CCSER1: variants seen among roughly 807,000 people sequenced by gnomAD.
The protein encoded by CCSER1 is coiled-coil serine rich protein 1, also known as serine-rich coiled-coil domain-containing protein 1.
In CCSER1, 41 loss-of-function variants were observed where a neutral mutation model predicts 82.0. That is an observed-to-expected ratio of 0.50 (90% CI 0.39 to 0.65). The LOEUF (loss-of-function observed/expected upper bound fraction) is 0.65. CCSER1 is among the 30% of genes least tolerant of loss of function. The pLI, the probability that CCSER1 is intolerant of heterozygous loss-of-function variation, is 0.00. For missense variants in CCSER1, 1,119 were observed against 1,064.2 expected (o/e 1.05, Z -0.72); for synonymous variants, 414 against 383.9 (o/e 1.08, Z -0.92).
intron 1 of CCSER1, among the ~76,000 whole-genome samples, chr4:90,164,950 C>T (rs1024640286): frequency 2.0e-5 from 3 of 152,040 alleles, no homozygotes; most frequent in Non-Finnish European, 4.4e-5. Flanking sequence ...TAATGAGGAA[C>T]AAAGGAGTAT....
chr4:91,225,132 T>C lies in CCSER1; in HGVS notation c.2217+139138T>C, dbSNP rs1281250801. Among the ~76,000 whole-genome samples, 6 of 144,252 alleles carry C rather than the reference T, an allele frequency of 4.2e-5. No homozygotes were observed. In the Admixed American group the frequency reaches 4.3e-4, roughly 10 times the overall value. The allele number at this position is 144,252 out of a possible 152,430, so 94.6% of individuals were successfully genotyped here. A position where few individuals can be genotyped will look rare whatever the true frequency, so the allele number is the denominator to read the frequency against. The stretch of plus-strand genomic sequence containing the variant: ...GAAATAAAATGTTACTGTGATAGAG[T>C]TTTACCTGGAAACAAGAAATATGAT... On this transcript the variant is annotated intron_variant, in intron 10 of 10. Coordinates refer to ENST00000509176, the MANE Select transcript of CCSER1 (RefSeq NM_001145065.2).
chr4:91,478,362 A>T (rs1757706312), intron 10 of CCSER1, among the ~76,000 whole-genome samples: 1 of 151,902 alleles, frequency 6.6e-6, no homozygotes. Flanking sequence ...ATTATTACCC[A>T]ATTGTTCTTG....
intron 1 of CCSER1, among the ~76,000 whole-genome samples, chr4:90,154,891 C>A (rs1351506648): frequency 1.3e-5 from 2 of 151,916 alleles, no homozygotes; most frequent in Non-Finnish European, 2.9e-5. Flanking sequence ...TGCCTAATTG[C>A]CCTGGCCAGA....
chr4:90,753,487 A>G (rs928565172), intron 7 of CCSER1, among the ~76,000 whole-genome samples: 1 of 152,128 alleles, frequency 6.6e-6, no homozygotes, highest in African/African-American at 2.4e-5. Flanking sequence ...TTGATTTTTC[A>G]TACTCTTTCT....
intron 9 of CCSER1, among the ~76,000 whole-genome samples, chr4:90,984,497 G>A (rs560172036): frequency 1.3e-5 from 2 of 151,630 alleles, no homozygotes; most frequent in African/African-American, 4.8e-5. Flanking sequence ...TTACAAAGAA[G>A]ACAACTTCAC....
intron 6 of CCSER1, among the ~76,000 whole-genome samples, chr4:90,661,562 G>A (rs1301718980): frequency 6.6e-6 from 1 of 152,194 alleles, no homozygotes; most frequent in Non-Finnish European, 1.5e-5. Flanking sequence ...GCAGCGAAAT[G>A]TTTAACTATA....
chr4:90,536,596 T>C (rs1775399332), intron 5 of CCSER1, among the ~76,000 whole-genome samples: 1 of 152,314 alleles, frequency 6.6e-6, no homozygotes, highest in African/African-American at 2.4e-5. Context: ...TACCTTGACC[T>C]TGATTACTCT....
chr4:90,256,525 A>G (rs542705546), intron 1 of CCSER1, among the ~76,000 whole-genome samples: 1 of 152,256 alleles, frequency 6.6e-6, no homozygotes, highest in African/African-American at 2.4e-5. Context: ...GTCATATTCT[A>G]AAATGTTTAC....
At chr4:90,169,769 C>A (rs1156704918) in intron 1 of CCSER1, among the ~76,000 whole-genome samples, 1 of 151,686 alleles carries the variant, frequency 6.6e-6, no homozygotes, top group Non-Finnish European at 1.5e-5. Flanking sequence ...ATTAGTTAGC[C>A]TTTGTCTACA....
chr4:91,011,068 G>A (rs1738965622), intron 9 of CCSER1, among the ~76,000 whole-genome samples: 1 of 134,400 alleles, frequency 7.4e-6, no homozygotes, highest in African/African-American at 2.5e-5. Flanking sequence ...GGCTTTTGAA[G>A]GGAAAGACTT....
intron 9 of CCSER1, among the ~76,000 whole-genome samples, chr4:91,080,071 T>C (rs938388016): frequency 3.3e-5 from 5 of 152,148 alleles, no homozygotes; most frequent in African/African-American, 1.2e-4. Flanking sequence ...GCAGACCTCA[T>C]AGACATCTAC....
intron 4 of CCSER1, among the ~76,000 whole-genome samples, chr4:90,467,040 T>C (rs1763733904): frequency 6.6e-6 from 1 of 152,174 alleles, no homozygotes; most frequent in African/African-American, 2.4e-5. Flanking sequence ...CAGCTACTAC[T>C]AGACATAGAT....
In CCSER1 at chr4:90,571,836, G is replaced by A. The variant is rs1345907344; in HGVS notation, c.1725-56189G>A. Among the ~76,000 whole-genome samples the A allele has an allele frequency of 2.0e-5, 3 of 152,028 alleles. No individual in the cohort carries two copies. In the East Asian group the frequency reaches 5.8e-4, roughly 29 times the overall value. ...TGTTACCATTTGCATATTTTATATT[G>A]CACATCTCTTAAATTATTGTAACTA... On this transcript the variant is annotated intron_variant, in intron 5 of 10. Transcript: ENST00000509176.
chr4:91,167,840 A>T, intron 10 of CCSER1, among the ~76,000 whole-genome samples: 1 of 152,244 alleles, frequency 6.6e-6, no homozygotes, highest in Non-Finnish European at 1.5e-5. Context: ...CAAATAAATA[A>T]TACGCTTTTA....
At chr4:90,428,825 C>A (rs572044431) in intron 4 of CCSER1, among the ~76,000 whole-genome samples, 1 of 151,728 alleles carries the variant, frequency 6.6e-6, no homozygotes, top group Non-Finnish European at 1.5e-5. Flanking sequence ...TCTAAATTGG[C>A]AAGATTATCA....
chr4:90,656,337 AT>A (rs1729697949), intron 6 of CCSER1, among the ~76,000 whole-genome samples: 1 of 151,450 alleles, frequency 6.6e-6, no homozygotes, highest in Admixed American at 6.6e-5. Context: ...TATCTCTTTT[AT>A]TCTGTCAATT....
At chr4:91,483,433 T>G (rs1173009853) in intron 10 of CCSER1, among the ~76,000 whole-genome samples, 2 of 151,984 alleles carry the variant, frequency 1.3e-5, no homozygotes, top group Non-Finnish European at 2.9e-5. Context: ...GTTATTATAC[T>G]TTTTTACTTT....
At chr4:90,857,149 C>G (rs916738177) in intron 8 of CCSER1, among the ~76,000 whole-genome samples, 2 of 152,062 alleles carry the variant, frequency 1.3e-5, no homozygotes. Flanking sequence ...CTCCCAATTT[C>G]TGTGAATCAG....
chr4:90,933,016 GAA>G lies in CCSER1; in HGVS notation c.2172+9571_2172+9572del, dbSNP rs754665929. On this transcript the variant is annotated intron_variant, in intron 9 of 10. Transcript: ENST00000509176. ...AGAAAGAAAGAAAGAAAGAAAGAAAGAAAGAAAGAAAGAAAGAAAGAAAGAAA... is the reference window on the plus strand; with the variant it reads ...AGAAAGAAAGAAAGAAAGAAAGAAAGAGAAAGAAAGAAAGAAAGAAAGAAA... Among the ~76,000 whole-genome samples, 18 of 79,874 alleles carry G rather than the reference GAA, an allele frequency of 2.3e-4. 3 individuals are homozygous for G. Among genetic ancestry groups the G allele is most frequent in the African/African-American group, 1.1e-3 (12 of 11,098 alleles). 52.4% of individuals were successfully genotyped at this position (79,874 alleles called of 152,430 possible). A position where few individuals can be genotyped will look rare whatever the true frequency, so the allele number is the denominator to read the frequency against.
Sources: gnomAD v4.1 joint callset for allele counts (sites outside exome capture counted in the v4.1 genomes callset) on GRCh38, gnomAD v4.1.1 for gene constraint, MANE v1.5 for transcripts, NCBI Gene and HGNC (gene_info 2026-07-23, HGNC 2026-07-21) for gene names.